MARCHF8: variants seen among roughly 807,000 people sequenced by gnomAD.
MARCHF8 encodes the protein membrane associated ring-CH-type finger 8.
A neutral mutation model predicts 51.6 loss-of-function variants in MARCHF8; 40 were observed. That is an observed-to-expected ratio of 0.77 (90% CI 0.60 to 1.01). The LOEUF (loss-of-function observed/expected upper bound fraction) is 1.01. Ranked by LOEUF, MARCHF8 falls within the 50% of genes least tolerant of loss-of-function variation. The pLI, the probability that MARCHF8 is intolerant of heterozygous loss-of-function variation, is 0.00. For synonymous variants in MARCHF8, 263 were observed against 280.3 expected, an observed-to-expected ratio of 0.94 and a Z score of 0.62; for missense variants, 685 against 708.6, an observed-to-expected ratio of 0.97 and a Z score of 0.38.
intron 1 of MARCHF8, among the ~76,000 whole-genome samples, chr10:45,549,369 G>A (rs2044168401): frequency 6.6e-6 from 1 of 152,238 alleles, no homozygotes; most frequent in South Asian, 2.1e-4. Flanking sequence ...TGGCTGGGCA[G>A]CTCTTCTGCT....
upstream of MARCHF8, among the ~76,000 whole-genome samples, chr10:45,540,008 T>C (rs1005364206): frequency 2.0e-5 from 3 of 152,170 alleles, no homozygotes; most frequent in African/African-American, 7.2e-5. Flanking sequence ...GAAGGACCTC[T>C]TCAAGGAGAA....
At chr10:45,590,272 G>A (rs1275852941) in intron 1 of MARCHF8, among the ~76,000 whole-genome samples, 1 of 152,088 alleles carries the variant, frequency 6.6e-6, no homozygotes, top group Admixed American at 6.5e-5. Flanking sequence ...CTGAAGAACT[G>A]CCTATTCAAA....
intron 2 of MARCHF8, 122 bp from the exon 3 acceptor site, chr10:45,489,539 A>G: frequency 1.2e-6 from 1 of 837,804 alleles, no homozygotes; most frequent in Admixed American, 2.2e-5. Context: ...GCAAAGCACA[A>G]CCTACTATAT....
chr10:45,467,438 AAG>A (rs1843006176), intron 3 of MARCHF8, among the ~76,000 whole-genome samples: 1 of 152,236 alleles, frequency 6.6e-6, no homozygotes, highest in Non-Finnish European at 1.5e-5. Context: ...AAACATTTCA[AAG>A]GTCAGAACCA....
At chr10:45,534,231 A>G (rs2043939233) in intron 1 of MARCHF8, among the ~76,000 whole-genome samples, 1 of 149,810 alleles carries the variant, frequency 6.7e-6, no homozygotes, top group African/African-American at 2.5e-5. Flanking sequence ...ATGAATGAGC[A>G]TAGTTATGTT....
intron 1 of MARCHF8, among the ~76,000 whole-genome samples, chr10:45,576,974 G>GA (rs58593536): frequency 0.57 from 68,213 of 120,098 alleles, 17,197 homozygotes; most frequent in South Asian, 0.66. Flanking sequence ...AAAGAGAAAA[G>GA]AAAAAAAAAA....
At chr10:45,529,837 G>T (rs2043848806) in intron 2 of MARCHF8, among the ~76,000 whole-genome samples, 1 of 152,222 alleles carries the variant, frequency 6.6e-6, no homozygotes, top group African/African-American at 2.4e-5. Flanking sequence ...ACAGACTGTT[G>T]TTGGGAGTGT....
At chr10:45,566,675 T>C (rs2044368113) in intron 1 of MARCHF8, among the ~76,000 whole-genome samples, 1 of 149,876 alleles carries the variant, frequency 6.7e-6, no homozygotes, top group African/African-American at 2.5e-5. Flanking sequence ...CATCTGCTGA[T>C]GAACACTTAG....
intron 2 of MARCHF8, among the ~76,000 whole-genome samples, chr10:45,511,998 G>A (rs1283343097): frequency 6.6e-6 from 1 of 151,022 alleles, no homozygotes; most frequent in Admixed American, 6.6e-5. Context: ...CATCTAGGAA[G>A]TGAGGAGCGC....
In MARCHF8 at chr10:45,563,828, A is replaced by C. The variant is rs188888215; in HGVS notation, c.-79+30407T>G. On this transcript the variant is annotated intron_variant, in intron 1 of 6. Transcript: ENST00000319836. The stretch of plus-strand genomic sequence containing the variant: ...CCAATGAATAGCACAAAAAGTTTAA[A>C]GTGAGGACTAAAAAGGTTAAGTAAG... 3.3e-5 allele frequency among the ~76,000 whole-genome samples: 5 copies of C among 152,346 alleles called. No homozygotes were observed. In the East Asian group the frequency reaches 7.7e-4, roughly 23 times the overall value.
At chr10:45,580,415 A>T (rs2044542167) in intron 1 of MARCHF8, among the ~76,000 whole-genome samples, 1 of 152,164 alleles carries the variant, frequency 6.6e-6, no homozygotes, top group African/African-American at 2.4e-5. Flanking sequence ...CCAGTTTATG[A>T]GATCTCACCC....
chr10:45,474,988 G>C (rs1045298870), intron 3 of MARCHF8, among the ~76,000 whole-genome samples: 2 of 152,184 alleles, frequency 1.3e-5, no homozygotes, highest in African/African-American at 4.8e-5. Flanking sequence ...ACACACCCCT[G>C]GAGTCCAAGG....
intron 1 of MARCHF8, among the ~76,000 whole-genome samples, chr10:45,566,472 A>T (rs1187240333): frequency 6.6e-6 from 1 of 152,032 alleles, no homozygotes; most frequent in Non-Finnish European, 1.5e-5. Context: ...TACGTCCATG[A>T]GTTCAATTGT....
At chr10:45,588,193 CTG>C (rs570321632) in intron 1 of MARCHF8, among the ~76,000 whole-genome samples, 127 of 151,034 alleles carry the variant, frequency 8.4e-4, no homozygotes, top group Admixed American at 1.6e-3. Context: ...TCCTTACAAA[CTG>C]TGAAAACATG....
At chr10:45,467,988 T>C (rs1318762843) in intron 3 of MARCHF8, among the ~76,000 whole-genome samples, 6 of 151,918 alleles carry the variant, frequency 3.9e-5, no homozygotes, top group African/African-American at 1.5e-4. Flanking sequence ...AAAAAAAAAA[T>C]TCTTGTAAAA....
intron 1 of MARCHF8, among the ~76,000 whole-genome samples, chr10:45,540,663 T>TACTC (rs1424643470): frequency 6.6e-6 from 1 of 152,178 alleles, no homozygotes; most frequent in Non-Finnish European, 1.5e-5. Context: ...TTTTGCAATC[T>TACTC]ACTCAGCTGA....
At position 45,464,278 on chromosome 10, in the gene MARCHF8, GAGA is replaced by G. The variant is rs755709894; in HGVS notation, c.200_202del (p.Phe67del). On this transcript the variant is annotated inframe_deletion, in exon 4 of 8. Coordinates refer to ENST00000453424, the MANE Select transcript of MARCHF8 (RefSeq NM_001282866.2). ...GCTGGATGGCGTGATAGAAGTGCGA[GAGA>G]AGGAGGACACCGGAGCCGGAGCTGA... 1 of 1,614,196 alleles carries G rather than the reference GAGA, an allele frequency of 6.2e-7. No individual in the cohort carries two copies. Among genetic ancestry groups the G allele is most frequent in the Non-Finnish European group, 8.5e-7 (1 of 1,180,030 alleles).
At chr10:45,502,178 T>C (rs1454515347) in intron 2 of MARCHF8, among the ~76,000 whole-genome samples, 1 of 152,196 alleles carries the variant, frequency 6.6e-6, no homozygotes, top group East Asian at 1.9e-4. Flanking sequence ...TAGGTGTCTA[T>C]AGCAGCTTTG....
chr10:45,521,245 A>T (rs2043700555), intron 2 of MARCHF8, among the ~76,000 whole-genome samples: 1 of 152,220 alleles, frequency 6.6e-6, no homozygotes, highest in African/African-American at 2.4e-5. Context: ...CTTGAATAAG[A>T]CAGGAAAAGA....
Sources: gnomAD v4.1 joint callset for allele counts (sites outside exome capture counted in the v4.1 genomes callset) on GRCh38, gnomAD v4.1.1 for gene constraint, MANE v1.5 for transcripts, NCBI Gene and HGNC (gene_info 2026-07-23, HGNC 2026-07-21) for gene names.